Variants in KCNIP4 observed in about 807,000 individuals in gnomAD.
KCNIP4 encodes Kv channel-interacting protein 4.
KCNIP4 carries 12 observed loss-of-function variants against 34.0 expected under a neutral mutation model. The observed-to-expected ratio is 0.35, with a 90% CI of 0.23 to 0.57. KCNIP4 has a LOEUF of 0.57. Ranked by LOEUF, KCNIP4 falls within the 20% of genes least tolerant of loss-of-function variation. The pLI is 0.83. For synonymous variants in KCNIP4, 124 were observed against 102.2 expected, an observed-to-expected ratio of 1.21 and a Z score of -1.29; for missense variants, 238 against 311.7, an observed-to-expected ratio of 0.76 and a Z score of 1.78.
intron 2 of KCNIP4, among the ~76,000 whole-genome samples, chr4:20,862,012 A>G (rs1265735664): frequency 6.8e-6 from 1 of 147,406 alleles, no homozygotes; most frequent in Admixed American, 6.8e-5. Context: ...TATTATTGAG[A>G]TGGAGTCTTA....
At chr4:20,735,354 C>T (rs1219441918) in intron 5 of KCNIP4, among the ~76,000 whole-genome samples, 1 of 152,068 alleles carries the variant, frequency 6.6e-6, no homozygotes, top group African/African-American at 2.4e-5. Flanking sequence ...ATAGTATCTA[C>T]CTCTTCACAA....
intron 1 of KCNIP4, among the ~76,000 whole-genome samples, chr4:21,326,233 A>C (rs532814546): frequency 1.3e-5 from 2 of 151,758 alleles, no homozygotes; most frequent in South Asian, 4.1e-4. Context: ...TATATCTGCC[A>C]TTTTAGCTCT....
chr4:20,990,118 A>C (rs765612886), intron 1 of KCNIP4, among the ~76,000 whole-genome samples: 7 of 152,218 alleles, frequency 4.6e-5, no homozygotes, highest in Non-Finnish European at 1.0e-4. Context: ...AGGTCAGTGT[A>C]TGACCCTTCA....
intron 1 of KCNIP4, among the ~76,000 whole-genome samples, chr4:20,970,140 A>G (rs1734787598): frequency 6.6e-6 from 1 of 151,958 alleles, no homozygotes; most frequent in Non-Finnish European, 1.5e-5. Context: ...ACGGGGTTTC[A>G]CCGTGTTAGC....
At chr4:21,614,444 TA>T (rs938140677) in intron 1 of KCNIP4, among the ~76,000 whole-genome samples, 2 of 149,950 alleles carry the variant, frequency 1.3e-5, no homozygotes, top group African/African-American at 2.4e-5. Context: ...GCTGGAAAGA[TA>T]AAGGGAAAAT....
chr4:21,938,733 T>C (rs1578164472), intron 1 of KCNIP4, among the ~76,000 whole-genome samples: 2 of 152,292 alleles, frequency 1.3e-5, no homozygotes, highest in East Asian at 3.9e-4. Context: ...GGAAGGTATT[T>C]AGCACGTGGC....
intron 1 of KCNIP4, among the ~76,000 whole-genome samples, chr4:21,178,277 A>C (rs1265533606): frequency 3.3e-5 from 5 of 152,204 alleles, no homozygotes; most frequent in Non-Finnish European, 2.9e-5. Context: ...ATATGCTTGA[A>C]AGTCAATGAA....
chr4:20,824,604 C>T (rs553767272), intron 3 of KCNIP4, among the ~76,000 whole-genome samples: 27 of 152,214 alleles, frequency 1.8e-4, no homozygotes, highest in African/African-American at 6.5e-4. Context: ...CGCTTGAACC[C>T]TGGAGGCAGA....
intron 1 of KCNIP4, among the ~76,000 whole-genome samples, chr4:21,402,574 T>A (rs1723638099): frequency 6.6e-6 from 1 of 152,230 alleles, no homozygotes; most frequent in South Asian, 2.1e-4. Flanking sequence ...AGGCTAACTC[T>A]CTTCCTTTTG....
At chr4:21,633,275 T>A (rs1356972318) in intron 1 of KCNIP4, among the ~76,000 whole-genome samples, 2 of 151,668 alleles carry the variant, frequency 1.3e-5, no homozygotes, top group Non-Finnish European at 2.9e-5. Flanking sequence ...ATCCCCCCAA[T>A]TTTTTTTTGT....
At position 20,956,979 on chromosome 4, in the gene KCNIP4, G is replaced by T. The variant is rs190199904; in HGVS notation, c.62-74270C>A. 2.1e-3 allele frequency among the ~76,000 whole-genome samples: 319 copies of T among 152,150 alleles called. 1 individual carries two copies. Among genetic ancestry groups the T allele is most frequent in the African/African-American group, 7.3e-3 (305 of 41,500 alleles). On this transcript the variant is annotated intron_variant, in intron 1 of 8. Coordinates refer to ENST00000382152, the MANE Select transcript of KCNIP4 (RefSeq NM_025221.6). ...CTCACAATTCTGATGTATATAGTTT[G>T]ATTAGTAGTGTTACAATTTTTAAAG...
intron 1 of KCNIP4, among the ~76,000 whole-genome samples, chr4:21,749,229 C>T (rs114565427): frequency 1.3e-5 from 2 of 152,248 alleles, no homozygotes; most frequent in Non-Finnish European, 2.9e-5. Context: ...GAGCAGAAGG[C>T]AAGTCTCCAA....
At chr4:21,214,250 CAT>C (rs2108984944) in intron 1 of KCNIP4, among the ~76,000 whole-genome samples, 1 of 152,302 alleles carries the variant, frequency 6.6e-6, no homozygotes, top group East Asian at 1.9e-4. Context: ...AAACAATAAA[CAT>C]GTGTGAGCCA....
chr4:21,242,347 T>TTAACTA (rs1281382747), intron 1 of KCNIP4, among the ~76,000 whole-genome samples: 1 of 152,098 alleles, frequency 6.6e-6, no homozygotes, highest in Non-Finnish European at 1.5e-5. Context: ...ACACTGCACT[T>TTAACTA]AGTTAAGACC....
chr4:21,385,416 G>GTA (rs1721935775), intron 1 of KCNIP4, among the ~76,000 whole-genome samples: 1 of 152,068 alleles, frequency 6.6e-6, no homozygotes, highest in African/African-American at 2.4e-5. Flanking sequence ...AAGATGAAGA[G>GTA]TATATAGTAC....
chr4:21,478,814 G>C (rs1379526030), intron 1 of KCNIP4, among the ~76,000 whole-genome samples: 1 of 152,120 alleles, frequency 6.6e-6, no homozygotes, highest in African/African-American at 2.4e-5. Context: ...AGTTCTGATG[G>C]AGAGCATTTT....
At chr4:21,469,807 TA>T (rs1022643907) in intron 1 of KCNIP4, among the ~76,000 whole-genome samples, 6 of 151,818 alleles carry the variant, frequency 4.0e-5, no homozygotes, top group Admixed American at 1.3e-4. Flanking sequence ...ATACCGAAAT[TA>T]AAAAAAAGCT....
Position 21,137,475 on chromosome 4 carries a change from G to T in KCNIP4, c.62-254766C>A, listed in dbSNP as rs116815533. Reference sequence around the variant, plus strand: ...TACAATATTTGATACATTTGAAGATGCCATATCTTTAGTTAAAAAAAGAGG... The same window carrying T: ...TACAATATTTGATACATTTGAAGATTCCATATCTTTAGTTAAAAAAAGAGG... On this transcript the variant is annotated intron_variant, in intron 1 of 8. Transcript: ENST00000382152. Among the ~76,000 whole-genome samples the T allele has an allele frequency of 1.8e-3, 271 of 152,130 alleles. 2 individuals carry two copies. Among genetic ancestry groups the T allele is most frequent in the African/African-American group, 6.1e-3 (252 of 41,512 alleles).
At chr4:21,627,047 C>T (rs1416427574) in intron 1 of KCNIP4, among the ~76,000 whole-genome samples, 2 of 152,160 alleles carry the variant, frequency 1.3e-5, no homozygotes, top group South Asian at 2.1e-4. Flanking sequence ...TAACTGAATG[C>T]TGAAGTCAGA....
Sources: gnomAD v4.1 joint callset for allele counts (sites outside exome capture counted in the v4.1 genomes callset) on GRCh38, gnomAD v4.1.1 for gene constraint, MANE v1.5 for transcripts, NCBI Gene and HGNC (gene_info 2026-07-23, HGNC 2026-07-21) for gene names.